Variants in MRO observed in about 807,000 individuals in gnomAD.
The protein encoded by MRO is maestro, also known as protein maestro.
In MRO, 28 loss-of-function variants were observed where a neutral mutation model predicts 31.0. The ratio of observed to expected loss-of-function variants is 0.90; its 90% CI spans 0.67 to 1.24. The LOEUF (loss-of-function observed/expected upper bound fraction) is 1.24. Among genes scored for constraint, MRO ranks in the 50% most tolerant of loss-of-function variants. MRO has a pLI of 0.00. For synonymous variants in MRO, 108 were observed against 108.4 expected (o/e 1.00, Z 0.02); for missense variants, 332 against 289.2 (o/e 1.15, Z -1.07).
In MRO at chr18:50,819,618, G is replaced by GA. The variant is rs1568138850; in HGVS notation, c.-43dup. 6.4e-7 allele frequency: 1 copy of GA among 1,551,642 alleles called. No homozygotes were observed. On this transcript the variant is annotated 5_prime_UTR_variant, in exon 2 of 8. Transcript: ENST00000398439. ...CAGGCGGCTGCCACGTGATGAACCG[G>GA]AGCCCGTTCCTGACTCGGGAGGGCT...
At chr18:50,805,025 C>T (rs534379604) in intron 5 of MRO, 129 bp downstream of exon 5, 9 of 653,912 alleles carry the variant, frequency 1.4e-5, no homozygotes, top group South Asian at 5.6e-5. Context: ...CTCCTGACCT[C>T]GTGATCCCAC....
chr18:50,815,060 A>C (rs1914791519), intron 2 of MRO: 1 of 178,682 alleles, frequency 5.6e-6, no homozygotes, highest in African/African-American at 2.4e-5. Flanking sequence ...ACTTCGTCTC[A>C]AAAAATAATA....
Position 50,805,153 on chromosome 18 carries a change from C to T in MRO, c.429+1G>A, listed in dbSNP as rs372190392. 44 of 1,607,680 alleles carry T rather than the reference C, an allele frequency of 2.7e-5. No homozygotes were observed. The South Asian group carries it at 2.9e-4, about 10-fold the overall frequency. On this transcript the variant is annotated splice_donor_variant, in intron 5 of 7. Coordinates refer to ENST00000398439, the MANE Select transcript of MRO (RefSeq NM_031939.6). LOFTEE classifies it high-confidence loss of function. ...ACCCAGAATTTTTCTGATTTACTTA[C>T]GTCATCTAATAAAGTCCTGGTCTGA...
chr18:50,815,146 C>A, intron 2 of MRO: 1 of 211,336 alleles, frequency 4.7e-6, no homozygotes, highest in South Asian at 8.4e-5. Flanking sequence ...TTTTGATGAT[C>A]ATGAAACAAA....
chr18:50,808,489 C>T (rs1229975770), intron 3 of MRO, among the ~76,000 whole-genome samples: 1 of 149,440 alleles, frequency 6.7e-6, no homozygotes, highest in Non-Finnish European at 1.5e-5. Flanking sequence ...GACAGCGTCT[C>T]GCTCTGTCGC....
At position 50,799,281 on chromosome 18, in the gene MRO, G is replaced by T; in HGVS notation, c.*56C>A. On this transcript the variant is annotated 3_prime_UTR_variant, in exon 8 of 8. Coordinates refer to ENST00000398439, the MANE Select transcript of MRO (RefSeq NM_031939.6). Reference sequence around the variant, plus strand: ...AGGCATCCAGTGAGATAAAACAGGGGAACATGATGGCTCAGCAATGCACTC... The same window carrying T: ...AGGCATCCAGTGAGATAAAACAGGGTAACATGATGGCTCAGCAATGCACTC... The T allele has an allele frequency of 6.9e-7, 1 of 1,449,264 alleles. No individual in the cohort carries two copies. The highest frequency in any genetic ancestry group is 1.1e-5 in the South Asian group (1 of 87,628). 89.8% of individuals were successfully genotyped at this position (1,449,264 alleles called of 1,614,324 possible). A position where few individuals can be genotyped will look rare whatever the true frequency, so the allele number is the denominator to read the frequency against.
chr18:50,818,455 C>A (rs1568138097), intron 2 of MRO, among the ~76,000 whole-genome samples: 1 of 152,164 alleles, frequency 6.6e-6, no homozygotes, highest in Admixed American at 6.5e-5. Flanking sequence ...AACCCCAAGA[C>A]CCCGGCTGGG....
chr18:50,821,693 T>G (rs1003199187), upstream of MRO, among the ~76,000 whole-genome samples: 8 of 152,352 alleles, frequency 5.3e-5, no homozygotes, highest in Non-Finnish European at 1.2e-4. Flanking sequence ...AAAGTTTCTT[T>G]GTATTCATGT....
In MRO at chr18:50,819,561, C is replaced by T. The variant is rs797014364; in HGVS notation, c.-5+20G>A. The T allele has an allele frequency of 3.1e-5, 48 of 1,551,160 alleles. No homozygotes were observed. In the Admixed American group the frequency reaches 6.9e-4, roughly 22 times the overall value. On this transcript the variant is annotated intron_variant, in intron 2 of 7. Coordinates refer to ENST00000398439, the MANE Select transcript of MRO (RefSeq NM_031939.6). ...CGCCTCCCGCTGCATCTGGCTGCCCCGGCCAACAGTGTCCCTTACCTGCGG... is the reference window on the plus strand; with the variant it reads ...CGCCTCCCGCTGCATCTGGCTGCCCTGGCCAACAGTGTCCCTTACCTGCGG...
rs1306525423 is a variant in MRO, at chr18:50,801,428, T to G, written c.506A>C (p.Lys169Thr). 2 of 1,611,732 alleles carry G rather than the reference T, an allele frequency of 1.2e-6. No homozygotes were observed. Among genetic ancestry groups the G allele is most frequent in the Admixed American group, 3.3e-5 (2 of 59,892 alleles). The change falls in exon 6 of 8, where the codon AAA (lysine) becomes ACA (threonine). Residue 169 changes from lysine (K) to threonine (T), a missense_variant. Physicochemically the swap from Lys to Thr is moderately conservative, Grantham distance 78. Coordinates refer to ENST00000398439, the MANE Select transcript of MRO (RefSeq NM_031939.6). ...LAAFAGRKWK[K>T]FFTSQVKQTR... The stretch of plus-strand genomic sequence containing the variant: ...CTGCTTAACCTGACTGGTGAAAAAT[T>G]TTTTCCATTTCCTCCCGGCAAAGGC...
upstream of MRO, among the ~76,000 whole-genome samples, chr18:50,820,243 A>G (rs1348175537): frequency 6.6e-6 from 1 of 152,244 alleles, no homozygotes; most frequent in Non-Finnish European, 1.5e-5. Flanking sequence ...TGTTGCACCA[A>G]CAACAAGAGC....
At position 50,806,774 on chromosome 18, in the gene MRO, T is replaced by C; in HGVS notation, c.176A>G (p.Asp59Gly). 1 of 1,614,094 alleles carries C rather than the reference T, an allele frequency of 6.2e-7. No individual in the cohort carries two copies. Among genetic ancestry groups the C allele is most frequent in the Non-Finnish European group, 8.5e-7 (1 of 1,180,014 alleles). ...VFFILAERARDPSAKKRHMAM... is the reference protein window; with the variant it reads ...VFFILAERARGPSAKKRHMAM... Reference sequence around the variant, plus strand: ...CATGTGACGCTTTTTAGCACTGGGGTCCCGAGCTCTTTCTGCCAAGATGAA... The same window carrying C: ...CATGTGACGCTTTTTAGCACTGGGGCCCCGAGCTCTTTCTGCCAAGATGAA... The change falls in exon 4 of 8, where the codon GAC (aspartate) becomes GGC (glycine). Residue 59 changes from aspartate (D) to glycine (G), a missense_variant. By Grantham distance (94) the Asp-to-Gly change is moderately conservative (BLOSUM62 -1). Transcript: ENST00000398439.
intron 2 of MRO, among the ~76,000 whole-genome samples, chr18:50,818,697 G>A (rs1915129746): frequency 6.6e-6 from 1 of 152,182 alleles, no homozygotes; most frequent in Non-Finnish European, 1.5e-5. Context: ...TATCTCATCT[G>A]TAAAATGAGC....
chr18:50,808,103 A>G (rs1027151301), intron 3 of MRO, among the ~76,000 whole-genome samples: 2 of 152,112 alleles, frequency 1.3e-5, no homozygotes, highest in African/African-American at 4.8e-5. Flanking sequence ...AAACAAACAA[A>G]CAAACACAAA....
chr18:50,800,207 T>C lies in MRO; in HGVS notation c.586-64A>G, dbSNP rs939306292. ...TTCCATAATCCCAAGCAAGGAAAAG[T>C]ATCCTAGAGGATTGCACCCAATCTG... On this transcript the variant is annotated intron_variant, in intron 6 of 7. Coordinates refer to ENST00000398439, the MANE Select transcript of MRO (RefSeq NM_031939.6). 3.3e-6 allele frequency: 4 copies of C among 1,203,720 alleles called. No homozygotes were observed. The African/African-American group carries it at 6.1e-5, about 18-fold the overall frequency. The allele number at this position is 1,203,720 out of a possible 1,614,324, so 74.6% of individuals were successfully genotyped here.
chr18:50,803,633 C>T (rs942429161), intron 5 of MRO, among the ~76,000 whole-genome samples: 7 of 152,204 alleles, frequency 4.6e-5, no homozygotes, highest in South Asian at 2.1e-4. Flanking sequence ...TAGGGACCTT[C>T]GCCCGCTCCC....
chr18:50,800,022 C>G lies in MRO; in HGVS notation c.693+14G>C, dbSNP rs1333120428. 6.3e-7 allele frequency: 1 copy of G among 1,590,798 alleles called. No individual in the cohort carries two copies. The highest frequency in any genetic ancestry group is 8.6e-7 in the Non-Finnish European group (1 of 1,159,564). On this transcript the variant is annotated intron_variant, in intron 7 of 7. Coordinates refer to ENST00000398439, the MANE Select transcript of MRO (RefSeq NM_031939.6). ...GGACCGGAAAAGAATTCTCTCCTACCCTGGCTCACTCACCAGCTGCTGGTA... is the reference window on the plus strand; with the variant it reads ...GGACCGGAAAAGAATTCTCTCCTACGCTGGCTCACTCACCAGCTGCTGGTA...
intron 6 of MRO, 73 bp downstream of exon 6, chr18:50,801,276 C>T (rs1599006489): frequency 8.1e-6 from 11 of 1,358,212 alleles, no homozygotes; most frequent in Non-Finnish European, 1.1e-5. Context: ...TAGGGTCTGG[C>T]GTCTCAACTC....
intron 2 of MRO, among the ~76,000 whole-genome samples, chr18:50,813,011 C>A (rs1260635175): frequency 1.3e-5 from 2 of 152,186 alleles, no homozygotes; most frequent in East Asian, 3.8e-4. Flanking sequence ...ATTGCTAAAG[C>A]TGGAAAAGTC....
Sources: gnomAD v4.1 joint callset for allele counts (sites outside exome capture counted in the v4.1 genomes callset) on GRCh38, gnomAD v4.1.1 for gene constraint, MANE v1.5 for transcripts, NCBI Gene and HGNC (gene_info 2026-07-23, HGNC 2026-07-21) for gene names.